VWA3B: variants seen among roughly 807,000 people sequenced by gnomAD.
The protein encoded by VWA3B is von Willebrand factor A domain-containing protein 3B.
VWA3B carries 138 observed loss-of-function variants against 158.3 expected under a neutral mutation model. The ratio of observed to expected loss-of-function variants is 0.87; its 90% CI spans 0.76 to 1.00. The LOEUF (loss-of-function observed/expected upper bound fraction) is 1.00, where lower values mean the gene tolerates loss of function less well. Ranked by LOEUF, VWA3B falls within the 50% of genes least tolerant of loss-of-function variation. The pLI is 0.00. For synonymous variants in VWA3B, 596 were observed against 587.3 expected (o/e 1.01, Z -0.21); for missense variants, 1,555 against 1,565.1 (o/e 0.99, Z 0.11).
At chr2:98,327,564 A>G in the VWA3B span, among the ~76,000 whole-genome samples, 1 of 152,230 alleles carries the variant, frequency 6.6e-6, no homozygotes. Flanking sequence ...CCAGTTGAAG[A>G]GCTCTTCTGA....
chr2:98,207,069 C>A (rs1240762293), intron 12 of VWA3B: 3 of 508,510 alleles, frequency 5.9e-6, no homozygotes, highest in Non-Finnish European at 1.2e-5. Flanking sequence ...TTGATAATAT[C>A]TTTCACTTCA....
chr2:98,317,060 C>A (rs941972912), downstream of VWA3B, among the ~76,000 whole-genome samples: 14 of 152,098 alleles, frequency 9.2e-5, no homozygotes, highest in African/African-American at 3.4e-4. Flanking sequence ...AAATATGGAA[C>A]CTGTAAATAG....
intron 8 of VWA3B, among the ~76,000 whole-genome samples, chr2:98,173,835 G>A (rs1679792903): frequency 6.6e-6 from 1 of 152,014 alleles, no homozygotes; most frequent in South Asian, 2.1e-4. Flanking sequence ...GTGTAGTGGC[G>A]GGCGCCTGTA....
intron 5 of VWA3B, among the ~76,000 whole-genome samples, chr2:98,124,074 C>T (rs1056540907): frequency 6.6e-6 from 1 of 152,200 alleles, no homozygotes; most frequent in Non-Finnish European, 1.5e-5. Flanking sequence ...TCATAAAGAA[C>T]CTTCACTGCT....
intron 6 of VWA3B, among the ~76,000 whole-genome samples, chr2:98,129,291 G>A (rs1675658009): frequency 6.7e-6 from 1 of 148,984 alleles, no homozygotes; most frequent in African/African-American, 2.5e-5. Flanking sequence ...GGAGAGAGAG[G>A]AGAGAGAGAG....
intron 3 of VWA3B, among the ~76,000 whole-genome samples, chr2:98,119,101 T>A (rs1329024360): frequency 6.6e-6 from 1 of 152,222 alleles, no homozygotes; most frequent in Non-Finnish European, 1.5e-5. Flanking sequence ...TGTGCTGGCA[T>A]GTTCAGTAGC....
At chr2:98,290,062 T>C (rs1247869152) in intron 22 of VWA3B, among the ~76,000 whole-genome samples, 3 of 152,228 alleles carry the variant, frequency 2.0e-5, no homozygotes, top group African/African-American at 7.2e-5. Flanking sequence ...ATTAGTCTGC[T>C]TCTACATTGC....
chr2:98,198,969 ACC>A (rs1470162172), intron 12 of VWA3B, among the ~76,000 whole-genome samples: 2 of 151,924 alleles, frequency 1.3e-5, no homozygotes, highest in African/African-American at 4.8e-5. Flanking sequence ...CGCCTGTAGT[ACC>A]AGCTACTCGG....
chr2:98,297,929 C>T lies in VWA3B; in HGVS notation c.3180C>T (p.Ser1060=). The T allele has an allele frequency of 1.9e-6, 3 of 1,567,444 alleles. No homozygotes were observed. The highest frequency in any genetic ancestry group is 1.7e-6 in the Non-Finnish European group (2 of 1,156,596). Residue 1060 remains serine, a synonymous_variant, in exon 24 of 28, where the codon AGC becomes AGT. Transcript: ENST00000477737. The part of the protein sequence containing the change: ...YFPGVVKKCV[S]RTQALVGFSY... ...CAGGGGTTGTGAAGAAGTGTGTGAGCCGCACCCAAGCACTGGTGGGCTTCA... is the reference window on the plus strand; with the variant it reads ...CAGGGGTTGTGAAGAAGTGTGTGAGTCGCACCCAAGCACTGGTGGGCTTCA...
At chr2:98,314,567 A>G (rs1691048044), downstream of VWA3B, among the ~76,000 whole-genome samples, 1 of 152,220 alleles carries the variant, frequency 6.6e-6, no homozygotes, top group African/African-American at 2.4e-5. Flanking sequence ...GAAGGATCAA[A>G]CCTGTTTCCA....
At chr2:98,302,534 C>G (rs1690261851) in intron 25 of VWA3B, among the ~76,000 whole-genome samples, 1 of 152,204 alleles carries the variant, frequency 6.6e-6, no homozygotes, top group Non-Finnish European at 1.5e-5. Context: ...AGCCAGGTAA[C>G]AGTGGCTCTT....
intron 12 of VWA3B, 107 bp from the exon 13 acceptor site, chr2:98,211,823 C>T (rs1181900260): frequency 1.1e-6 from 1 of 875,104 alleles, no homozygotes; most frequent in Admixed American, 2.4e-5. Context: ...ATTTATCTTT[C>T]ATCTCATAGG....
At chr2:98,321,992 G>A in the VWA3B span, among the ~76,000 whole-genome samples, 1 of 152,176 alleles carries the variant, frequency 6.6e-6, no homozygotes, top group Admixed American at 6.5e-5. Context: ...TAAGTCTCAT[G>A]AGAGCTGATG....
intron 24 of VWA3B, among the ~76,000 whole-genome samples, chr2:98,298,373 G>GATTCGATTCT (rs1689948248): frequency 8.2e-6 from 1 of 122,258 alleles, no homozygotes; most frequent in African/African-American, 3.3e-5. Flanking sequence ...AACTACAAAA[G>GATTCGATTCT]ATTCTATTCT....
intron 9 of VWA3B, among the ~76,000 whole-genome samples, chr2:98,185,342 A>G (rs760488956): frequency 3.9e-5 from 6 of 152,096 alleles, no homozygotes; most frequent in Non-Finnish European, 8.8e-5. Flanking sequence ...TATTGCACTC[A>G]CCTGGCAAAA....
chr2:98,158,316 C>T (rs534751901), intron 7 of VWA3B, among the ~76,000 whole-genome samples: 2 of 152,132 alleles, frequency 1.3e-5, no homozygotes, highest in South Asian at 2.1e-4. Context: ...TCAGCCGGTG[C>T]ACACACACAC....
intron 10 of VWA3B, among the ~76,000 whole-genome samples, chr2:98,191,616 A>G (rs1681582026): frequency 6.6e-6 from 1 of 152,110 alleles, no homozygotes; most frequent in African/African-American, 2.4e-5. Context: ...GTTGCCCCAT[A>G]TATTAAGGAG....
intron 8 of VWA3B, among the ~76,000 whole-genome samples, chr2:98,170,629 G>A (rs1679504060): frequency 6.7e-6 from 1 of 148,230 alleles, no homozygotes; most frequent in South Asian, 2.2e-4. Flanking sequence ...TTTTTGAGAT[G>A]GAGTATATCG....
At chr2:98,294,189 C>A in intron 23 of VWA3B, among the ~76,000 whole-genome samples, 1 of 64,996 alleles carries the variant, frequency 1.5e-5, no homozygotes, top group Admixed American at 2.1e-4. Flanking sequence ...TTCCCTCACA[C>A]ACACACACAC....
Sources: gnomAD v4.1 joint callset for allele counts (sites outside exome capture counted in the v4.1 genomes callset) on GRCh38, gnomAD v4.1.1 for gene constraint, MANE v1.5 for transcripts, NCBI Gene and HGNC (gene_info 2026-07-23, HGNC 2026-07-21) for gene names.